The following PCCB variants were observed in gnomAD, a reference collection of about 807,000 sequenced individuals.
PCCB encodes the protein propionyl-CoA carboxylase subunit beta, also known as propionyl-CoA carboxylase beta chain, mitochondrial.
In PCCB, 43 loss-of-function variants were observed where a neutral mutation model predicts 60.7. That is an observed-to-expected ratio of 0.71 (90% CI 0.55 to 0.91). The LOEUF (loss-of-function observed/expected upper bound fraction) is 0.91. PCCB is among the 40% of genes least tolerant of loss of function. The pLI, the probability that PCCB is intolerant of heterozygous loss-of-function variation, is 0.00. For missense variants in PCCB, 766 were observed against 702.8 expected, an observed-to-expected ratio of 1.09 and a Z score of -1.02; for synonymous variants, 276 against 255.9, an observed-to-expected ratio of 1.08 and a Z score of -0.75.
intron 9 of PCCB, among the ~76,000 whole-genome samples, chr3:136,305,279 A>G (rs1433268840): frequency 2.6e-5 from 3 of 117,476 alleles, no homozygotes; most frequent in African/African-American, 5.1e-5. Context: ...ATTTTTAGAG[A>G]TGGGGTTTCG....
chr3:136,297,848 G>A (rs942334817), intron 7 of PCCB, 104 bp from the exon 8 acceptor site: 17 of 1,249,446 alleles, frequency 1.4e-5, no homozygotes, highest in African/African-American at 2.9e-5. Context: ...CTATCAGCAC[G>A]GTCTGCTACT....
intron 5 of PCCB, among the ~76,000 whole-genome samples, chr3:136,268,087 G>GATATATATATAGATAT (rs1942066296): frequency 1.1e-5 from 1 of 93,800 alleles, no homozygotes; most frequent in Non-Finnish European, 2.1e-5. Flanking sequence ...TGTGTGTGTA[G>GATATATATATAGATAT]ATATATATAT....
At chr3:136,313,686 A>G (rs980069056) in intron 9 of PCCB, among the ~76,000 whole-genome samples, 2 of 152,222 alleles carry the variant, frequency 1.3e-5, no homozygotes, top group Non-Finnish European at 2.9e-5. Context: ...AAAATGAAAT[A>G]CAAACATGAA....
At chr3:136,282,440 C>G (rs1942505284) in intron 5 of PCCB, among the ~76,000 whole-genome samples, 1 of 152,014 alleles carries the variant, frequency 6.6e-6, no homozygotes, top group East Asian at 1.9e-4. Flanking sequence ...ATTTTAATTT[C>G]TAGTGTTTTT....
At position 136,305,766 on chromosome 3, in the gene PCCB, GA is replaced by G. The variant is rs1394846134; in HGVS notation, c.966+4662del. Among the ~76,000 whole-genome samples the G allele has an allele frequency of 1.4e-4, 16 of 115,722 alleles. 3 individuals carry two copies. The highest frequency in any genetic ancestry group is 2.3e-4 in the African/African-American group (9 of 38,624). 75.9% of individuals were successfully genotyped at this position (115,722 alleles called of 152,430 possible). A position where few individuals can be genotyped will look rare whatever the true frequency, so the allele number is the denominator to read the frequency against. On this transcript the variant is annotated intron_variant, in intron 9 of 14. Coordinates refer to ENST00000251654, the MANE Select transcript of PCCB (RefSeq NM_000532.5). ...GTCTCTAAAAAAAAAAAAAAAGAAA[GA>G]AAAAAAGTGAATATGCTAGAAAAGA...
rs377681768 is a variant in PCCB at position 136,250,391 on chromosome 3, C to T, written c.16C>T (p.Arg6Trp). Residue 6 changes from arginine (R) to tryptophan (W), a missense_variant, in exon 1 of 15, where the codon CGG becomes TGG. Transcript: ENST00000251654. Reference protein sequence around the residue: MAAALRVAAVGARLSV... With the variant: MAAALWVAAVGARLSV... ...CACAGCAAAAATGGCGGCGGCATTA[C>T]GGGTGGCGGCGGTCGGGGCAAGGCT... 19 of 1,535,768 alleles carry T rather than the reference C, an allele frequency of 1.2e-5. No individual in the cohort carries two copies. Among genetic ancestry groups the T allele is most frequent in the Non-Finnish European group, 1.6e-5 (18 of 1,137,554 alleles).
chr3:136,264,128 TTC>T (rs1941903787), intron 5 of PCCB, among the ~76,000 whole-genome samples: 1 of 152,192 alleles, frequency 6.6e-6, no homozygotes, highest in Admixed American at 6.6e-5. Context: ...TGTTCTGTTA[TTC>T]TCTCTCCATA....
At chr3:136,315,567 A>C (rs1934857242) in intron 9 of PCCB, among the ~76,000 whole-genome samples, 2 of 152,210 alleles carry the variant, frequency 1.3e-5, no homozygotes, top group African/African-American at 4.8e-5. Context: ...ACAGTGGCTC[A>C]TGCCTGTAAT....
chr3:136,301,403 C>T (rs374383796), intron 9 of PCCB, among the ~76,000 whole-genome samples: 3 of 152,164 alleles, frequency 2.0e-5, no homozygotes, highest in East Asian at 1.9e-4. Context: ...AATTAGGGGC[C>T]ATGTCCACAG....
chr3:136,329,676 C>T (rs149544765), intron 14 of PCCB, among the ~76,000 whole-genome samples: 104 of 152,154 alleles, frequency 6.8e-4, no homozygotes, highest in African/African-American at 2.4e-3. Context: ...GGAGGGTGTC[C>T]GATTTTCCTT....
At chr3:136,255,795 C>T in intron 1 of PCCB, 61 bp from the exon 2 acceptor site, 1 of 1,498,494 alleles carries the variant, frequency 6.7e-7, no homozygotes, top group Non-Finnish European at 9.3e-7. Flanking sequence ...ATGAACAGCC[C>T]TTGCTTTGCT....
rs1366963088 is a variant in PCCB, at chr3:136,327,195, C to T, written c.1239C>T (p.Ala413=). 6.2e-7 allele frequency: 1 copy of T among 1,614,124 alleles called. No homozygotes were observed. Residue 413 remains alanine (A), a synonymous_variant, in exon 12 of 15, where the codon GCC becomes GCT. Coordinates refer to ENST00000251654, the MANE Select transcript of PCCB (RefSeq NM_000532.5). ...QEYGGIIRHG[A]KLLYAFAEAT... ...ACGGGGGCATCATCCGGCATGGTGC[C>T]AAGCTTCTCTACGCATTTGCTGAGG...
chr3:136,319,142 G>T (rs1307817329), intron 10 of PCCB, among the ~76,000 whole-genome samples: 2 of 152,020 alleles, frequency 1.3e-5, no homozygotes, highest in Non-Finnish European at 2.9e-5. Context: ...TTTTTGATTT[G>T]CATTTCTCAT....
At chr3:136,283,567 C>T (rs536549222) in intron 5 of PCCB, among the ~76,000 whole-genome samples, 2 of 152,160 alleles carry the variant, frequency 1.3e-5, no homozygotes, top group South Asian at 2.1e-4. Context: ...ACCTCATGCC[C>T]TTAGTGAAGG....
intron 4 of PCCB, 149 bp from the exon 5 acceptor site, chr3:136,261,803 A>G (rs547492470): frequency 3.7e-5 from 25 of 670,636 alleles, no homozygotes; most frequent in East Asian, 1.4e-4. Flanking sequence ...AAGGTACCCA[A>G]TCGTGATGGG....
At chr3:136,253,082 G>T (rs1415875690) in intron 1 of PCCB, among the ~76,000 whole-genome samples, 1 of 71,500 alleles carries the variant, frequency 1.4e-5, no homozygotes, top group Non-Finnish European at 2.4e-5. Flanking sequence ...AGCAATGGAG[G>T]TTTTTTTTTT....
Position 136,268,618 on chromosome 3 carries a change from C to G in PCCB, c.543+6553C>G, listed in dbSNP as rs1186706789. Among the ~76,000 whole-genome samples, 3 of 152,060 alleles carry G rather than the reference C, an allele frequency of 2.0e-5. No homozygotes were observed. In the South Asian group the frequency reaches 6.2e-4, roughly 32 times the overall value. Reference sequence around the variant, plus strand: ...AGCTGGGATTACAGTCACGTGCCAGCACACCTAGCTAATTTTTGTATTTTT... The same window carrying G: ...AGCTGGGATTACAGTCACGTGCCAGGACACCTAGCTAATTTTTGTATTTTT... On this transcript the variant is annotated intron_variant, in intron 5 of 14. Coordinates refer to ENST00000251654, the MANE Select transcript of PCCB (RefSeq NM_000532.5).
chr3:136,277,563 T>A (rs1260582358), intron 5 of PCCB, among the ~76,000 whole-genome samples: 2 of 152,008 alleles, frequency 1.3e-5, no homozygotes, highest in Admixed American at 1.3e-4. Context: ...GGGTCTACAC[T>A]CTGTCTCTCC....
rs1224275405 is a variant in PCCB at position 136,330,089 on chromosome 3, G to A, written c.*63G>A. On this transcript the variant is annotated 3_prime_UTR_variant, in exon 15 of 15. Transcript: ENST00000251654. ...GTCTGCCCATTCACATCCCATTCCT[G>A]CCTTTTGCAATCATGAAACCTGGGA... The A allele has an allele frequency of 2.5e-6, 4 of 1,610,994 alleles. No individual in the cohort carries two copies. In the East Asian group the frequency reaches 9.0e-5, roughly 36 times the overall value.
Sources: allele counts gnomAD v4.1 joint callset (sites outside exome capture counted in the v4.1 genomes callset), GRCh38; gene constraint gnomAD v4.1.1; transcripts MANE v1.5; gene names NCBI Gene and HGNC (gene_info 2026-07-23, HGNC 2026-07-21).